The following NRSN1 variants were observed in gnomAD, a reference collection of about 807,000 sequenced individuals.
The protein encoded by NRSN1 is neurensin 1.
Under a neutral mutation model 17.3 loss-of-function variants are expected in NRSN1, and 14 were observed. The observed-to-expected ratio is 0.81, with a 90% CI of 0.54 to 1.27. The LOEUF (loss-of-function observed/expected upper bound fraction) is 1.27, where lower values mean the gene tolerates loss of function less well. Among genes scored for constraint, NRSN1 ranks in the 50% most tolerant of loss-of-function variants. NRSN1 has a pLI of 0.00. For synonymous variants in NRSN1, 79 were observed against 94.2 expected (o/e 0.84, Z 0.93); for missense variants, 209 against 235.9 (o/e 0.89, Z 0.75).
Position 24,145,668 on chromosome 6 carries a change from C to T in NRSN1, c.310C>T (p.His104Tyr), listed in dbSNP as rs11544636. 0.022 allele frequency: 35,602 copies of T among 1,614,114 alleles called. 493 individuals are homozygous for T. The highest frequency in any genetic ancestry group is 0.033 in the South Asian group (3,022 of 91,070). ...GEADFVVVDT[H>Y]AVQFNSALDM... ...AGCCGATTTTGTGGTGGTCGACACA[C>T]ATGCTGTCCAGTTTAACAGTGCTCT... is the stretch of plus-strand genomic sequence containing the variant. Residue 104 changes from histidine (H) to tyrosine (Y), a missense_variant, in exon 4 of 4, where the codon CAT (histidine) becomes TAT (tyrosine). Coordinates refer to ENST00000378491, the MANE Select transcript of NRSN1 (RefSeq NM_080723.5). This position sits in a 1 kb window ranked among gnomAD's most constrained non-coding sequence, Gnocchi z 4.4.
Position 24,129,607 on chromosome 6 carries a change from T to C in NRSN1, c.-10+1407T>C, listed in dbSNP as rs548089005. On this transcript the variant is annotated intron_variant, in intron 2 of 3. Coordinates refer to ENST00000378491, the MANE Select transcript of NRSN1 (RefSeq NM_080723.5). ...TAGAAAGTAATGGAACGCTGATATT[T>C]AGATATATTGATTATAGAAAGCCTC... 3 of 152,254 alleles carry C rather than the reference T, an allele frequency of 2.0e-5. No homozygotes were observed. In the East Asian group the frequency reaches 5.8e-4, roughly 29 times the overall value. The allele number at this position is 152,254 out of a possible 1,614,324, so 9.4% of individuals were successfully genotyped here.
Position 24,134,423 on chromosome 6 carries a change from G to C in NRSN1, c.96G>C (p.Gln32His), listed in dbSNP as rs1377008604. 6.2e-7 allele frequency: 1 copy of C among 1,614,156 alleles called. No homozygotes were observed. Among genetic ancestry groups the C allele is most frequent in the Admixed American group, 1.7e-5 (1 of 60,022 alleles). Residue 32 changes from glutamine to histidine, a missense_variant, in exon 3 of 4, where the codon CAG (glutamine) becomes CAC (histidine). Transcript: ENST00000378491. ...ATGGAGTCCGGTCCTACCTGCACCAGTTTTATGAGGACTGTACAGCCTCAA... is the reference window on the plus strand; with the variant it reads ...ATGGAGTCCGGTCCTACCTGCACCACTTTTATGAGGACTGTACAGCCTCAA... ...QRYGVRSYLH[Q>H]FYEDCTASIW... is the part of the protein sequence containing the mutation.
chr6:24,127,388 T>C (rs1759965167), intron 1 of NRSN1, among the ~76,000 whole-genome samples: 1 of 152,154 alleles, frequency 6.6e-6, no homozygotes, highest in South Asian at 2.1e-4. Flanking sequence ...GTCTTCAGGT[T>C]CTCCTGCAAA....
intron 3 of NRSN1, among the ~76,000 whole-genome samples, chr6:24,143,290 C>A (rs977370452): frequency 6.6e-6 from 1 of 152,178 alleles, no homozygotes; most frequent in Non-Finnish European, 1.5e-5. Context: ...AGCCACCATG[C>A]CCGGCTAAAG....
chr6:24,127,060 A>T (rs1759961142), intron 1 of NRSN1, among the ~76,000 whole-genome samples: 2 of 152,194 alleles, frequency 1.3e-5, no homozygotes, highest in Non-Finnish European at 2.9e-5. Context: ...AGAAAAAAGA[A>T]GAGAAATGTA....
chr6:24,137,691 C>G (rs1167729634), intron 3 of NRSN1, among the ~76,000 whole-genome samples: 1 of 152,042 alleles, frequency 6.6e-6, no homozygotes, highest in Admixed American at 6.5e-5. Context: ...ACTCCCCCAA[C>G]CCCGCAGCAG....
intron 3 of NRSN1, among the ~76,000 whole-genome samples, chr6:24,142,155 A>G (rs1158181319): frequency 7.9e-6 from 1 of 126,336 alleles, no homozygotes; most frequent in Non-Finnish European, 1.6e-5. Flanking sequence ...TTACAGCCCA[A>G]TTTTTCCCGT....
chr6:24,129,125 G>A (rs534233641), intron 2 of NRSN1: 1 of 152,294 alleles, frequency 6.6e-6, no homozygotes, highest in South Asian at 2.1e-4. Flanking sequence ...ACATTCATGA[G>A]CTTGTTTCCC....
chr6:24,140,836 A>G (rs1168207274), intron 3 of NRSN1: 2 of 1,271,430 alleles, frequency 1.6e-6, no homozygotes, highest in Admixed American at 8.1e-5. Flanking sequence ...GGTCAAAATA[A>G]CAGCAGTCTC....
At chr6:24,134,579 C>T (rs940716119) in intron 3 of NRSN1, 63 bp downstream of exon 3, 1 of 1,353,280 alleles carries the variant, frequency 7.4e-7, no homozygotes. Context: ...GTTAATACTG[C>T]AGCTGTGGAG....
chr6:24,131,341 G>A (rs773940902), intron 2 of NRSN1, among the ~76,000 whole-genome samples: 214 of 152,188 alleles, frequency 1.4e-3, no homozygotes, highest in Non-Finnish European at 2.6e-3. Flanking sequence ...GCTCAATCCT[G>A]GGAAAGAACA....
chr6:24,145,730 C>T lies in NRSN1; in HGVS notation c.372C>T (p.Cys124=). ...MYKLAGAVLF[C]IGGTSMAGCL... ...AGCTGGCAGGAGCTGTTCTCTTCTG[C>T]ATTGGAGGCACGTCCATGGCAGGGT... Residue 124 remains cysteine, a synonymous_variant, in exon 4 of 4, where the codon TGC becomes TGT. Transcript: ENST00000378491. The surrounding 1 kb of genome is among the most constrained non-coding windows in gnomAD (Gnocchi z 4.4). 5 of 1,614,180 alleles carry T rather than the reference C, an allele frequency of 3.1e-6. No individual in the cohort carries two copies. The highest frequency in any genetic ancestry group is 4.2e-6 in the Non-Finnish European group (5 of 1,180,002).
intron 3 of NRSN1, chr6:24,141,517 C>G (rs148073976): frequency 2.0e-3 from 313 of 158,826 alleles, no homozygotes; most frequent in African/African-American, 7.2e-3. Context: ...CCTTCAGAAG[C>G]CTTGAAGTCA....
chr6:24,140,159 G>C (rs1760179741), intron 3 of NRSN1, among the ~76,000 whole-genome samples: 1 of 152,174 alleles, frequency 6.6e-6, no homozygotes, highest in Non-Finnish European at 1.5e-5. Context: ...ACAATTAAGA[G>C]GTCCTTTGTA....
chr6:24,140,075 T>C (rs1189766085), intron 3 of NRSN1, among the ~76,000 whole-genome samples: 1 of 152,168 alleles, frequency 6.6e-6, no homozygotes, highest in African/African-American at 2.4e-5. Flanking sequence ...CAAGAAAGTA[T>C]AAGTGTTTAA....
chr6:24,141,918 G>A (rs904067705), intron 3 of NRSN1, among the ~76,000 whole-genome samples: 1 of 151,528 alleles, frequency 6.6e-6, no homozygotes, highest in Non-Finnish European at 1.5e-5. Flanking sequence ...GATAACTTTC[G>A]GCTACCCTCA....
In NRSN1 at chr6:24,147,303, G is replaced by A. The variant is rs1292791474; in HGVS notation, c.*1357G>A. The stretch of plus-strand genomic sequence containing the variant: ...TTAATGTATGGATTCAGATTAGACT[G>A]AGAAAAATGGATGGTATTTTCTTAA... On this transcript the variant is annotated 3_prime_UTR_variant, in exon 4 of 4. Coordinates refer to ENST00000378491, the MANE Select transcript of NRSN1 (RefSeq NM_080723.5). The A allele has an allele frequency of 1.3e-5, 2 of 151,818 alleles. No homozygotes were observed. The allele number at this position is 151,818 out of a possible 1,614,324, so 9.4% of individuals were successfully genotyped here.
In NRSN1 at chr6:24,140,870, A is replaced by T. The variant is rs1760192568; in HGVS notation, c.190-4678A>T. On this transcript the variant is annotated intron_variant, in intron 3 of 3. Coordinates refer to ENST00000378491, the MANE Select transcript of NRSN1 (RefSeq NM_080723.5). ...TCTGGCCTGTAGCCCCCACCAGCAG[A>T]ATTTCTGGCATATAAATAAGTTCTC... 4 of 1,292,062 alleles carry T rather than the reference A, an allele frequency of 3.1e-6. No individual in the cohort carries two copies. The South Asian group carries it at 1.2e-4, about 39-fold the overall frequency. The allele number at this position is 1,292,062 out of a possible 1,614,324, so 80.0% of individuals were successfully genotyped here. A position where few individuals can be genotyped will look rare whatever the true frequency, so the allele number is the denominator to read the frequency against.
chr6:24,142,274 G>T lies in NRSN1; in HGVS notation c.190-3274G>T, dbSNP rs1470616601. 2.3e-5 allele frequency among the ~76,000 whole-genome samples: 3 copies of T among 128,744 alleles called. No individual in the cohort carries two copies. In the East Asian group the frequency reaches 7.4e-4, roughly 32 times the overall value. 84.5% of individuals were successfully genotyped at this position (128,744 alleles called of 152,430 possible). ...TTACAATATGAGATACTGGAAATTTGTTCACATATGGTGGCTAAAACTCCT... is the reference window on the plus strand; with the variant it reads ...TTACAATATGAGATACTGGAAATTTTTTCACATATGGTGGCTAAAACTCCT... On this transcript the variant is annotated intron_variant, in intron 3 of 3. Coordinates refer to ENST00000378491, the MANE Select transcript of NRSN1 (RefSeq NM_080723.5).
Sources: gnomAD v4.1 joint callset for allele counts (sites outside exome capture counted in the v4.1 genomes callset) on GRCh38, gnomAD v4.1.1 for gene constraint, Gnocchi (gnomAD v3.1) non-coding constraint, MANE v1.5 for transcripts, NCBI Gene and HGNC (gene_info 2026-07-23, HGNC 2026-07-21) for gene names.